AKAP6: variants seen among roughly 807,000 people sequenced by gnomAD.
AKAP6 encodes A-kinase anchoring protein 6.
Under a neutral mutation model 188.5 loss-of-function variants are expected in AKAP6, and 58 were observed. That is an observed-to-expected ratio of 0.31 (90% CI 0.25 to 0.38). The LOEUF (loss-of-function observed/expected upper bound fraction) is 0.38, where lower values mean the gene tolerates loss of function less well. Ranked by LOEUF, AKAP6 falls within the 10% of genes least tolerant of loss-of-function variation. The pLI is 1.00. For synonymous variants in AKAP6, 989 were observed against 998.6 expected (o/e 0.99, Z 0.18); for missense variants, 2,710 against 2,740.0 (o/e 0.99, Z 0.24).
intron 1 of AKAP6, among the ~76,000 whole-genome samples, chr14:32,409,130 G>T (rs1042882706): frequency 6.6e-6 from 1 of 152,126 alleles, no homozygotes; most frequent in Non-Finnish European, 1.5e-5. Context: ...AACCTGGCAG[G>T]TGGAGGTTGC....
In AKAP6 at chr14:32,462,129, G is replaced by T. The variant is rs533176674; in HGVS notation, c.324+28312G>T. Among the ~76,000 whole-genome samples the T allele has an allele frequency of 1.3e-3, 193 of 152,254 alleles. 1 individual carries two copies. The highest frequency in any genetic ancestry group is 4.4e-3 in the African/African-American group (182 of 41,534). On this transcript the variant is annotated intron_variant, in intron 2 of 13. Coordinates refer to ENST00000280979, the MANE Select transcript of AKAP6 (RefSeq NM_004274.5). ...TTGGTGTACCTGAAAGTGGCAGGGA[G>T]AATGGAACCAAGTTGGAAAACACAC...
Position 32,433,769 on chromosome 14 carries a change from G to A in AKAP6, c.276G>A (p.Gln92=), listed in dbSNP as rs200924725. The A allele has an allele frequency of 1.2e-6, 2 of 1,614,160 alleles. No homozygotes were observed. Among genetic ancestry groups the A allele is most frequent in the Non-Finnish European group, 1.7e-6 (2 of 1,180,044 alleles). The change falls in exon 2 of 14, where the codon CAG becomes CAA. Residue 92 remains glutamine, a synonymous_variant. Coordinates refer to ENST00000280979, the MANE Select transcript of AKAP6 (RefSeq NM_004274.5). The part of the protein sequence containing the change: ...ERVRDLTYSV[Q]QDSDSKHVDV... ...TCCGAGACCTAACCTATTCAGTCCA[G>A]CAGGATTCGGACAGCAAGCATGTGG... is the stretch of plus-strand genomic sequence containing the variant.
chr14:32,365,058 A>G (rs1887788146), intron 1 of AKAP6, among the ~76,000 whole-genome samples: 1 of 152,170 alleles, frequency 6.6e-6, no homozygotes, highest in South Asian at 2.1e-4. Flanking sequence ...AGCATATTGA[A>G]ACAAGGTAGG....
At chr14:32,710,304 A>G (rs888262099) in intron 9 of AKAP6, among the ~76,000 whole-genome samples, 1 of 151,888 alleles carries the variant, frequency 6.6e-6, no homozygotes, top group African/African-American at 2.4e-5. Context: ...TTTGGCTCAC[A>G]TTCCATTTGG....
rs368423502 is a variant in AKAP6, at chr14:32,509,120, C to CTTTT, written c.325-26413_325-26410dup. Among the ~76,000 whole-genome samples, 168 of 94,744 alleles carry CTTTT rather than the reference C, an allele frequency of 1.8e-3. 11 individuals carry two copies. Among genetic ancestry groups the CTTTT allele is most frequent in the African/African-American group, 5.0e-3 (120 of 23,772 alleles). 62.2% of individuals were successfully genotyped at this position (94,744 alleles called of 152,430 possible). On this transcript the variant is annotated intron_variant, in intron 2 of 13. Transcript: ENST00000280979. ...AGGCGTAAGCCACCATGCCCTGCCT[C>CTTTT]TTTTTTTTTTTTTTTTTTTTTTTTG... is the stretch of plus-strand genomic sequence containing the variant.
At chr14:32,710,713 A>G (rs1373591767) in intron 9 of AKAP6, among the ~76,000 whole-genome samples, 1 of 152,080 alleles carries the variant, frequency 6.6e-6, no homozygotes, top group Admixed American at 6.6e-5. Flanking sequence ...TGTTAAACGT[A>G]GGAAGTAGGG....
At chr14:32,438,245 T>C (rs1003115783) in intron 2 of AKAP6, among the ~76,000 whole-genome samples, 98 of 152,350 alleles carry the variant, frequency 6.4e-4, no homozygotes, top group African/African-American at 2.3e-3. Context: ...GGATCTTGTC[T>C]GGGGAGTCTG....
intron 2 of AKAP6, among the ~76,000 whole-genome samples, chr14:32,517,551 TGCTTCTG>T (rs1881586161): frequency 6.6e-6 from 1 of 152,228 alleles, no homozygotes; most frequent in South Asian, 2.1e-4. Flanking sequence ...GATTATATCC[TGCTTCTG>T]GCTCAGAGGG....
intron 7 of AKAP6, among the ~76,000 whole-genome samples, chr14:32,653,804 T>A (rs2139542162): frequency 6.6e-6 from 1 of 152,346 alleles, no homozygotes; most frequent in South Asian, 2.1e-4. Context: ...TTAGTAAAAC[T>A]AGGGCAAATA....
chr14:32,688,852 G>T (rs4143718), intron 8 of AKAP6, among the ~76,000 whole-genome samples: 1 of 151,940 alleles, frequency 6.6e-6, no homozygotes, highest in African/African-American at 2.4e-5. Flanking sequence ...AACTTTTCAT[G>T]TTAATTGTGC....
At chr14:32,798,173 G>A (rs189883862) in intron 12 of AKAP6, among the ~76,000 whole-genome samples, 85 of 148,266 alleles carry the variant, frequency 5.7e-4, no homozygotes, top group African/African-American at 2.0e-3. Context: ...TTAGAGAAAT[G>A]CAAATCAAAA....
At position 32,546,862 on chromosome 14, in the gene AKAP6, G is replaced by C; in HGVS notation, c.2209G>C (p.Ala737Pro). ...SMPLAGMKKY[A>P]DEKSERASSS... Reference sequence around the variant, plus strand: ...GCCTCTCGCTGGCATGAAAAAGTATGCTGATGAGAAGTCAGAAAGAGCTTC... The same window carrying C: ...GCCTCTCGCTGGCATGAAAAAGTATCCTGATGAGAAGTCAGAAAGAGCTTC... Residue 737 changes from alanine to proline, a missense_variant, in exon 4 of 14, where the codon GCT (alanine) becomes CCT (proline). By Grantham distance (27) the Ala-to-Pro change is conservative. Around this residue, in one of 2 missense-constraint regions of AKAP6, gnomAD observed 2,473 missense variants for 2,426.1 expected, o/e 1.02. Transcript: ENST00000280979. The C allele has an allele frequency of 1.2e-6, 2 of 1,614,084 alleles. No individual in the cohort carries two copies. The highest frequency in any genetic ancestry group is 1.7e-6 in the Non-Finnish European group (2 of 1,180,016).
chr14:32,752,077 T>A (rs1466342781), intron 11 of AKAP6, among the ~76,000 whole-genome samples: 1 of 152,224 alleles, frequency 6.6e-6, no homozygotes, highest in Non-Finnish European at 1.5e-5. Flanking sequence ...TTGAGATAGA[T>A]CCTCTTTGAA....
At chr14:32,398,013 T>C (rs1290345330) in intron 1 of AKAP6, among the ~76,000 whole-genome samples, 12 of 152,260 alleles carry the variant, frequency 7.9e-5, no homozygotes, top group Non-Finnish European at 1.8e-4. Context: ...TTCAAATATT[T>C]ACTCCCTCTG....
At chr14:32,644,495 A>G (rs548578981) in intron 7 of AKAP6, among the ~76,000 whole-genome samples, 2 of 152,280 alleles carry the variant, frequency 1.3e-5, no homozygotes, top group South Asian at 2.1e-4. Context: ...AATAGTGCCC[A>G]GGGGAGTTTG....
intron 7 of AKAP6, among the ~76,000 whole-genome samples, chr14:32,646,867 A>G (rs1357905421): frequency 1.3e-5 from 2 of 152,138 alleles, no homozygotes; most frequent in Non-Finnish European, 2.9e-5. Context: ...TACTTGAGGA[A>G]AGTTGCAATT....
At chr14:32,520,099 G>A (rs139549377) in intron 2 of AKAP6, among the ~76,000 whole-genome samples, 2,683 of 152,212 alleles carry the variant, frequency 0.018, 62 homozygotes, top group African/African-American at 0.046. Context: ...AATGACTACT[G>A]GGTACATAAC....
chr14:32,756,020 A>C (rs565381809), intron 11 of AKAP6, among the ~76,000 whole-genome samples: 1 of 152,286 alleles, frequency 6.6e-6, no homozygotes, highest in African/African-American at 2.4e-5. Flanking sequence ...TGGTCTAGAG[A>C]TTCTGAGTGT....
At chr14:32,432,094 C>A (rs1890245886) in intron 1 of AKAP6, among the ~76,000 whole-genome samples, 1 of 151,756 alleles carries the variant, frequency 6.6e-6, no homozygotes, top group Non-Finnish European at 1.5e-5. Context: ...TGTTACTGTA[C>A]AAATATGAAC....
Sources: gnomAD v4.1 joint callset for allele counts (sites outside exome capture counted in the v4.1 genomes callset) on GRCh38, gnomAD v4.1.1 for gene constraint, gnomAD v4.1.1 regional missense constraint, MANE v1.5 for transcripts, NCBI Gene and HGNC (gene_info 2026-07-23, HGNC 2026-07-21) for gene names.